SLC2A7: variants seen among roughly 807,000 people sequenced by gnomAD.
SLC2A7 encodes solute carrier family 2, facilitated glucose transporter member 7.
SLC2A7 carries 50 observed loss-of-function variants against 50.5 expected under a neutral mutation model. That is an observed-to-expected ratio of 0.99 (90% CI 0.79 to 1.25). SLC2A7 has a LOEUF of 1.25. Ranked by LOEUF, SLC2A7 falls within the 50% of genes most tolerant of loss-of-function variation. The pLI, the probability that SLC2A7 is intolerant of heterozygous loss-of-function variation, is 0.00. For missense variants in SLC2A7, 683 were observed against 679.1 expected, an observed-to-expected ratio of 1.01 and a Z score of -0.06; for synonymous variants, 308 against 300.4, an observed-to-expected ratio of 1.03 and a Z score of -0.26.
chr1:9,011,712 C>T (rs1160902652), intron 8 of SLC2A7, among the ~76,000 whole-genome samples: 2 of 148,824 alleles, frequency 1.3e-5, no homozygotes. Context: ...ATTCTTTCGA[C>T]TTCTTCCTTC....
At chr1:9,025,470 C>G (rs1422440860) in intron 1 of SLC2A7, among the ~76,000 whole-genome samples, 2 of 151,584 alleles carry the variant, frequency 1.3e-5, no homozygotes, top group Non-Finnish European at 2.9e-5. Flanking sequence ...GCTGTGAGGA[C>G]AATAAAATAG....
intron 4 of SLC2A7, among the ~76,000 whole-genome samples, 168 bp downstream of exon 4, chr1:9,019,041 A>ATTAG (rs1640872689): frequency 6.6e-6 from 1 of 152,186 alleles, no homozygotes. Context: ...TAATTAATTA[A>ATTAG]TTAAGAAAAA....
At chr1:9,005,110 TTGC>T (rs1640635783) in intron 10 of SLC2A7, among the ~76,000 whole-genome samples, 1 of 152,216 alleles carries the variant, frequency 6.6e-6, no homozygotes, top group South Asian at 2.1e-4. Context: ...TGAATTTCCA[TTGC>T]TGCTTCTTCA....
chr1:9,008,364 C>G lies in SLC2A7; in HGVS notation c.1117-979G>C, dbSNP rs745743049. Among the ~76,000 whole-genome samples, 1 of 152,168 alleles carries G rather than the reference C, an allele frequency of 6.6e-6. No individual in the cohort carries two copies. Among genetic ancestry groups the G allele is most frequent in the Non-Finnish European group, 1.5e-5 (1 of 68,032 alleles). ...GGAGGATTGGGGCCATTCAACACTT[C>G]AAGCAAAAGCGAGGCTGGCTGGGTT... is the stretch of plus-strand genomic sequence containing the variant. On this transcript the variant is annotated intron_variant, in intron 9 of 11. Transcript: ENST00000400906. The surrounding 1 kb of genome is among the most constrained non-coding windows in gnomAD (Gnocchi z 5.9).
intron 3 of SLC2A7, among the ~76,000 whole-genome samples, chr1:9,020,711 G>T (rs569806120): frequency 2.1e-5 from 3 of 145,722 alleles, no homozygotes; most frequent in African/African-American, 7.7e-5. Flanking sequence ...TTGCTCTGTC[G>T]CCCAGGCTAG....
chr1:9,002,029 G>C (rs537738231), downstream of SLC2A7, among the ~76,000 whole-genome samples: 2 of 152,308 alleles, frequency 1.3e-5, no homozygotes, highest in African/African-American at 4.8e-5. Context: ...GATGCGCCTT[G>C]TTAAAAATGT....
chr1:9,013,136 C>A (rs918949756), intron 8 of SLC2A7, among the ~76,000 whole-genome samples: 4 of 152,186 alleles, frequency 2.6e-5, no homozygotes, highest in Non-Finnish European at 5.9e-5. Flanking sequence ...AAGTCATCCA[C>A]CTGCCTCAGT....
Position 9,015,642 on chromosome 1 carries a change from A to T in SLC2A7, c.590-400T>A, listed in dbSNP as rs558714627. Among the ~76,000 whole-genome samples, 5 of 151,272 alleles carry T rather than the reference A, an allele frequency of 3.3e-5. No individual in the cohort carries two copies. In the South Asian group the frequency reaches 1.0e-3, roughly 32 times the overall value. ...TCCTTCTGGATGGCTTGGCCTAAGG[A>T]GGGGAACTGAGATTCCACTAAGAGA... On this transcript the variant is annotated intron_variant, in intron 5 of 11. Transcript: ENST00000400906.
intron 8 of SLC2A7, among the ~76,000 whole-genome samples, chr1:9,010,978 C>T (rs1569790543): frequency 6.6e-6 from 1 of 152,374 alleles, no homozygotes; most frequent in African/African-American, 2.4e-5. Flanking sequence ...TGCAGGCCCA[C>T]ACCCCAGGTC....
chr1:9,004,865 C>T lies in SLC2A7; in HGVS notation c.1207G>A (p.Val403Met). ...TGCAGGAAGATCTCGGTCCTCACCA[C>T]CGAGGGGACAGGACCTGGAGGGCAG... is the stretch of plus-strand genomic sequence containing the variant. ...HSIGPSPVPSVVRTEIFLQSS... is the reference protein window; with the variant it reads ...HSIGPSPVPSMVRTEIFLQSS... Residue 403 changes from valine to methionine, a missense_variant, in exon 11 of 12, where the codon GTG becomes ATG. By Grantham distance (21) the Val-to-Met change is conservative. Transcript: ENST00000400906. 6.2e-7 allele frequency: 1 copy of T among 1,613,884 alleles called. No homozygotes were observed. The highest frequency in any genetic ancestry group is 8.5e-7 in the Non-Finnish European group (1 of 1,179,862).
rs767407643 is a variant in SLC2A7 at position 9,010,155 on chromosome 1, C to G, written c.1104G>C (p.Val368=). 53 of 1,552,502 alleles carry G rather than the reference C, an allele frequency of 3.4e-5. No homozygotes were observed. The highest frequency in any genetic ancestry group is 4.6e-5 in the Non-Finnish European group (53 of 1,147,530). The change falls in exon 9 of 12, where the codon GTG becomes GTC. Residue 368 remains valine, a synonymous_variant. Coordinates refer to ENST00000400906, the MANE Select transcript of SLC2A7 (RefSeq NM_207420.3). ...CGSACLVLTV[V]LLFQNRVPEL... ...AATGAGGTCAGACCTGGAATAGGAG[C>G]ACCACCGTCAGCACCAGGCAGGCAG... is the stretch of plus-strand genomic sequence containing the variant.
chr1:9,023,294 G>T (rs1019290206), intron 2 of SLC2A7, among the ~76,000 whole-genome samples: 11 of 152,182 alleles, frequency 7.2e-5, no homozygotes, highest in Non-Finnish European at 8.8e-5. Flanking sequence ...CAAAAAGATT[G>T]TTACAAAATC....
chr1:9,008,419 C>T lies in SLC2A7; in HGVS notation c.1117-1034G>A, dbSNP rs369788231. Among the ~76,000 whole-genome samples, 6 of 152,282 alleles carry T rather than the reference C, an allele frequency of 3.9e-5. No individual in the cohort carries two copies. Among genetic ancestry groups the T allele is most frequent in the South Asian group, 4.1e-4 (2 of 4,828 alleles). ...GGGCCGCCCTGGACCCGGTGTGAAG[C>T]GAGCAGCTGCTGCTGCATTTTCAGG... On this transcript the variant is annotated intron_variant, in intron 9 of 11. Coordinates refer to ENST00000400906, the MANE Select transcript of SLC2A7 (RefSeq NM_207420.3). The surrounding 1 kb of genome is among the most constrained non-coding windows in gnomAD (Gnocchi z 5.9).
intron 8 of SLC2A7, among the ~76,000 whole-genome samples, chr1:9,011,512 A>C (rs577172593): frequency 1.3e-5 from 2 of 152,064 alleles, no homozygotes; most frequent in South Asian, 4.2e-4. Flanking sequence ...AAATAAATAA[A>C]AAGAATAAGA....
the SLC2A7 span, among the ~76,000 whole-genome samples, chr1:8,995,387 G>C: frequency 6.6e-6 from 1 of 151,450 alleles, no homozygotes; most frequent in Non-Finnish European, 1.5e-5. Flanking sequence ...GGCGGAACTT[G>C]CAGTGAACTG....
chr1:9,014,955 CCCTGA>C, intron 6 of SLC2A7, 87 bp from the exon 7 acceptor site: 1 of 1,506,146 alleles, frequency 6.6e-7, no homozygotes, highest in Non-Finnish European at 8.9e-7. Context: ...GCTCACCATT[CCCTGA>C]CCTGACCTTG....
At position 9,007,308 on chromosome 1, in the gene SLC2A7, A is replaced by C. The variant is rs757097958; in HGVS notation, c.1192+2T>G. ...GGGCGAGGGAGGCGTGCAGGTACTCACTGGGCCCAATGGAATGTCCCGCGA... is the reference window on the plus strand; with the variant it reads ...GGGCGAGGGAGGCGTGCAGGTACTCCCTGGGCCCAATGGAATGTCCCGCGA... On this transcript the variant is annotated splice_donor_variant, in intron 10 of 11. Transcript: ENST00000400906. LOFTEE classifies it high-confidence loss of function. The C allele has an allele frequency of 6.8e-6, 11 of 1,614,052 alleles. No homozygotes were observed. In the East Asian group the frequency reaches 2.2e-4, roughly 33 times the overall value.
intron 2 of SLC2A7, among the ~76,000 whole-genome samples, chr1:9,023,601 C>T (rs1283354420): frequency 1.0e-4 from 15 of 149,572 alleles, no homozygotes; most frequent in African/African-American, 1.5e-4. Flanking sequence ...AGCGAGACTC[C>T]GTCTCAAAAA....
intron 1 of SLC2A7, 127 bp from the exon 2 acceptor site, chr1:9,025,201 G>C: frequency 1.1e-6 from 1 of 931,128 alleles, no homozygotes; most frequent in Non-Finnish European, 1.6e-6. Flanking sequence ...CCGTGCCCCC[G>C]GAAAAGAGGA....
Sources: allele counts gnomAD v4.1 joint callset (sites outside exome capture counted in the v4.1 genomes callset), GRCh38; gene constraint gnomAD v4.1.1; non-coding constraint Gnocchi (gnomAD v3.1); transcripts MANE v1.5; gene names NCBI Gene and HGNC (gene_info 2026-07-23, HGNC 2026-07-21).